The following PCDH15 variants were observed in gnomAD, a reference collection of about 807,000 sequenced individuals.
PCDH15 encodes the protein protocadherin-15.
In PCDH15, 129 loss-of-function variants were observed where a neutral mutation model predicts 178.5. The observed-to-expected ratio is 0.72, with a 90% CI of 0.63 to 0.84. The LOEUF (loss-of-function observed/expected upper bound fraction) is 0.84, where lower values mean the gene tolerates loss of function less well. Ranked by LOEUF, PCDH15 falls within the 40% of genes least tolerant of loss-of-function variation. The probability of loss-of-function intolerance (pLI) is 0.00; values close to 1 mark genes in which losing one functional copy is unlikely to be tolerated. For synonymous variants in PCDH15, 800 were observed against 732.0 expected, an observed-to-expected ratio of 1.09 and a Z score of -1.50; for missense variants, 2,230 against 2,099.9, an observed-to-expected ratio of 1.06 and a Z score of -1.21.
intron 13 of PCDH15, among the ~76,000 whole-genome samples, chr10:54,167,055 C>G (rs1202585127): frequency 6.6e-6 from 1 of 152,188 alleles, no homozygotes; most frequent in Non-Finnish European, 1.5e-5. Context: ...CCCGCCTGCA[C>G]CTGGGTGAAA....
At chr10:54,212,564 T>C (rs2051559169) in intron 10 of PCDH15, among the ~76,000 whole-genome samples, 1 of 152,118 alleles carries the variant, frequency 6.6e-6, no homozygotes, top group Non-Finnish European at 1.5e-5. Context: ...CTCCAGAAAA[T>C]CTTCCCTGAG....
chr10:54,621,922 T>C (rs2093360724), intron 2 of PCDH15, among the ~76,000 whole-genome samples: 1 of 152,052 alleles, frequency 6.6e-6, no homozygotes, highest in Admixed American at 6.6e-5. Flanking sequence ...TGTCAAACGC[T>C]GTAAAGAAAG....
At chr10:54,989,694 C>T (rs762368510) in intron 2 of PCDH15, among the ~76,000 whole-genome samples, 1 of 152,114 alleles carries the variant, frequency 6.6e-6, no homozygotes, top group Non-Finnish European at 1.5e-5. Flanking sequence ...AAACAATGGA[C>T]TATGGACTTT....
intron 2 of PCDH15, among the ~76,000 whole-genome samples, chr10:55,523,254 T>A (rs1394161628): frequency 1.3e-5 from 2 of 151,702 alleles, no homozygotes; most frequent in East Asian, 3.9e-4. Context: ...ATTCACTAGT[T>A]TGTTGGTGTT....
intron 18 of PCDH15, 39 bp from the exon 19 acceptor site, chr10:54,023,236 G>C: frequency 1.9e-6 from 3 of 1,574,248 alleles, no homozygotes; most frequent in Non-Finnish European, 2.6e-6. Flanking sequence ...ATTCACGTAA[G>C]TTTTGACGGG....
intron 2 of PCDH15, among the ~76,000 whole-genome samples, chr10:54,938,892 G>T (rs950646438): frequency 6.6e-6 from 1 of 152,082 alleles, no homozygotes; most frequent in South Asian, 2.1e-4. Flanking sequence ...GGAGAAAGGG[G>T]CCATAAGCAA....
intron 2 of PCDH15, among the ~76,000 whole-genome samples, chr10:55,065,421 T>C (rs1002520337): frequency 8.5e-5 from 13 of 152,074 alleles, no homozygotes. Flanking sequence ...CTTAGAAAGG[T>C]CCTGTTGTAT....
chr10:54,168,756 C>A (rs1256659148), intron 13 of PCDH15, among the ~76,000 whole-genome samples: 1 of 152,132 alleles, frequency 6.6e-6, no homozygotes, highest in African/African-American at 2.4e-5. Flanking sequence ...CCTAAAAGGT[C>A]AAAAGGCCGT....
chr10:54,616,727 G>T (rs905603581), intron 2 of PCDH15, among the ~76,000 whole-genome samples: 10 of 152,038 alleles, frequency 6.6e-5, no homozygotes, highest in African/African-American at 2.2e-4. Flanking sequence ...TGAGTACCTC[G>T]GAACTGGAAC....
Position 53,822,454 on chromosome 10 carries a change from GAGAAGGAGGAGAAAT to G in PCDH15, c.4368-2239_4368-2225del, listed in dbSNP as rs777129729. The G allele has an allele frequency of 7.5e-6, 12 of 1,599,112 alleles. No individual in the cohort carries two copies. The highest frequency in any genetic ancestry group is 1.1e-5 in the South Asian group (1 of 89,676). ...GCAAGAGGAGCAGGAGCAGGAGGAG[GAGAAGGAGGAGAAAT>G]AGGAGGAGGAGGGGGAAGGGGACAG... is the stretch of plus-strand genomic sequence containing the variant. On this transcript the variant is annotated intron_variant, in intron 32 of 37. Transcript: ENST00000644397.
At chr10:54,285,094 A>G (rs2058951733) in intron 8 of PCDH15, among the ~76,000 whole-genome samples, 1 of 152,214 alleles carries the variant, frequency 6.6e-6, no homozygotes, top group African/African-American at 2.4e-5. Context: ...TTCAATAAAT[A>G]CTTACTGAGA....
At chr10:54,582,989 A>G (rs1301142187) in intron 2 of PCDH15, among the ~76,000 whole-genome samples, 1 of 151,918 alleles carries the variant, frequency 6.6e-6, no homozygotes, top group Non-Finnish European at 1.5e-5. Flanking sequence ...CACATATTTC[A>G]GTTACTGGTA....
At chr10:53,996,103 G>A (rs1305622895) in intron 20 of PCDH15, among the ~76,000 whole-genome samples, 1 of 152,008 alleles carries the variant, frequency 6.6e-6, no homozygotes, top group African/African-American at 2.4e-5. Flanking sequence ...ATAAGAACAA[G>A]TTTCTTTAAA....
chr10:54,589,010 T>G (rs1346257448), intron 2 of PCDH15, among the ~76,000 whole-genome samples: 1 of 152,340 alleles, frequency 6.6e-6, no homozygotes, highest in South Asian at 2.1e-4. Context: ...TCTGTCTTGT[T>G]CTCTGTTATT....
intron 2 of PCDH15, among the ~76,000 whole-genome samples, chr10:54,969,719 A>C (rs183041055): frequency 1.3e-5 from 2 of 152,308 alleles, no homozygotes; most frequent in South Asian, 2.1e-4. Flanking sequence ...GTAGCTCAAA[A>C]GTATCTTCAG....
chr10:54,475,663 A>C (rs2136793158), intron 3 of PCDH15, among the ~76,000 whole-genome samples: 1 of 152,050 alleles, frequency 6.6e-6, no homozygotes, highest in East Asian at 1.9e-4. Context: ...AGAAATAAAA[A>C]TCAGTGTCAT....
intron 18 of PCDH15, among the ~76,000 whole-genome samples, chr10:54,062,732 A>G (rs2094056036): frequency 6.6e-6 from 1 of 152,024 alleles, no homozygotes; most frequent in African/African-American, 2.4e-5. Context: ...CAACAAGGTT[A>G]ACACAATAAT....
At chr10:55,492,410 T>A (rs910417951) in intron 2 of PCDH15, among the ~76,000 whole-genome samples, 1 of 151,744 alleles carries the variant, frequency 6.6e-6, no homozygotes, top group African/African-American at 2.4e-5. Flanking sequence ...CTTGGAATGA[T>A]GCAAGCATTT....
At chr10:54,530,912 G>A (rs1481609158) in intron 2 of PCDH15, among the ~76,000 whole-genome samples, 5 of 152,138 alleles carry the variant, frequency 3.3e-5, no homozygotes, top group African/African-American at 4.8e-5. Flanking sequence ...ATGCATTCAC[G>A]ACAGCATAAT....
Sources: allele counts gnomAD v4.1 joint callset (sites outside exome capture counted in the v4.1 genomes callset), GRCh38; gene constraint gnomAD v4.1.1; transcripts MANE v1.5; gene names NCBI Gene and HGNC (gene_info 2026-07-23, HGNC 2026-07-21).